Variants in COL4A2 observed in about 807,000 individuals in gnomAD.
COL4A2 encodes the protein collagen type IV alpha 2 chain, also known as collagen alpha-2(IV) chain.
COL4A2 carries 99 observed loss-of-function variants against 200.2 expected under a neutral mutation model. The ratio of observed to expected loss-of-function variants is 0.49; its 90% confidence interval spans 0.42 to 0.58. The LOEUF is 0.58. Among genes scored for constraint, COL4A2 ranks in the 20% least tolerant of loss-of-function variants. The pLI is 0.00. For missense variants in COL4A2, 1,950 were observed against 2,314.1 expected (o/e 0.84, Z 3.23); for synonymous variants, 897 against 900.6 (o/e 1.00, Z 0.07).
rs367899784 is a variant in COL4A2 at position 110,472,431 on chromosome 13, G to A, written c.2204-498G>A. On this transcript the variant is annotated intron_variant, in intron 28 of 47. Transcript: ENST00000360467. Reference sequence around the variant, plus strand: ...ATGGTCAATACAACAGAGGGGTGTCGTTCCTCTTTGAAGCGTTTCCCAACC... The same window carrying A: ...ATGGTCAATACAACAGAGGGGTGTCATTCCTCTTTGAAGCGTTTCCCAACC... Among the ~76,000 whole-genome samples, 13 of 152,226 alleles carry A rather than the reference G, an allele frequency of 8.5e-5. No homozygotes were observed. In the East Asian group the frequency reaches 1.5e-3, roughly 18 times the overall value.
chr13:110,438,619 G>T lies in COL4A2; in HGVS notation c.863G>T (p.Gly288Val). 6.2e-7 allele frequency: 1 copy of T among 1,614,220 alleles called. No individual in the cohort carries two copies. The highest frequency in any genetic ancestry group is 8.5e-7 in the Non-Finnish European group (1 of 1,180,032). ...KGSEGEPGIR[G>V]ISLKGEEGIM... Reference sequence around the variant, plus strand: ...TACGCCCCCTCTGCTCTCTCCTAGGGCATTTCCTTGAAGGGAGAAGAAGGA... The same window carrying T: ...TACGCCCCCTCTGCTCTCTCCTAGGTCATTTCCTTGAAGGGAGAAGAAGGA... The change falls in exon 15 of 48, where the codon GGC (glycine) becomes GTC (valine). Residue 288 changes from glycine to valine, a missense_variant and splice_region_variant. Gly to Val is a moderately radical substitution (Grantham distance 109). This residue lies in a region of COL4A2 where 565 missense variants were observed against 593.5 expected (regional missense o/e 0.95). Coordinates refer to ENST00000360467, the MANE Select transcript of COL4A2 (RefSeq NM_001846.4).
chr13:110,494,156 G>A (rs115331837), intron 39 of COL4A2, among the ~76,000 whole-genome samples: 1,806 of 152,194 alleles, frequency 0.012, 34 homozygotes, highest in African/African-American at 0.041. Flanking sequence ...CCCTGAATGG[G>A]GATATAAAGA....
In COL4A2 at chr13:110,307,792, G is replaced by C. The variant is rs1269654120; in HGVS notation, c.-44-68G>C. The C allele has an allele frequency of 2.8e-6, 4 of 1,410,550 alleles. No homozygotes were observed. Among genetic ancestry groups the C allele is most frequent in the Non-Finnish European group, 3.8e-6 (4 of 1,048,628 alleles). 87.4% of individuals were successfully genotyped at this position (1,410,550 alleles called of 1,614,324 possible). ...GCGCTGTCCCCGCGTCTCGCGGACC[G>C]AGACCGGCGGTGAGGATGGGCTGCC... On this transcript the variant is annotated intron_variant, in intron 1 of 47. Transcript: ENST00000360467. This position sits in a 1 kb window ranked among gnomAD's most constrained non-coding sequence, Gnocchi z 5.0.
At chr13:110,475,510 A>G (rs1483979929) in intron 29 of COL4A2, among the ~76,000 whole-genome samples, 1 of 152,204 alleles carries the variant, frequency 6.6e-6, no homozygotes, top group East Asian at 1.9e-4. Context: ...GAGCATGAAA[A>G]CAAATGGAAG....
intron 4 of COL4A2, among the ~76,000 whole-genome samples, chr13:110,417,052 C>T (rs1359095944): frequency 6.6e-6 from 1 of 151,204 alleles, no homozygotes. Context: ...ACGATCTTGG[C>T]TCACTGCAAG....
chr13:110,505,175 C>T (rs1371995573), intron 45 of COL4A2, among the ~76,000 whole-genome samples: 2 of 151,308 alleles, frequency 1.3e-5, no homozygotes, highest in African/African-American at 2.4e-5. Flanking sequence ...ACGGTGAAAC[C>T]CCGTCTCTAC....
chr13:110,509,270 T>TATATATACACACACACACAC (rs1435137108), intron 47 of COL4A2, among the ~76,000 whole-genome samples: 1 of 115,600 alleles, frequency 8.7e-6, no homozygotes, highest in Admixed American at 9.4e-5. Context: ...TATATATATA[T>TATATATACACACACACACAC]ACACACACAC....
intron 4 of COL4A2, among the ~76,000 whole-genome samples, chr13:110,376,882 C>A (rs1878259967): frequency 6.6e-6 from 1 of 152,116 alleles, no homozygotes; most frequent in African/African-American, 2.4e-5. Context: ...TTGGTGAGGC[C>A]AGGTTATTAA....
At chr13:110,332,837 C>T (rs968576859) in intron 3 of COL4A2, among the ~76,000 whole-genome samples, 21 of 152,226 alleles carry the variant, frequency 1.4e-4, no homozygotes, top group African/African-American at 5.1e-4. Flanking sequence ...CAAATGCACG[C>T]TTACTTTCAG....
chr13:110,393,044 G>T (rs1395375261), intron 4 of COL4A2, among the ~76,000 whole-genome samples: 1 of 152,222 alleles, frequency 6.6e-6, no homozygotes, highest in Non-Finnish European at 1.5e-5. Context: ...CAGCTGCGAA[G>T]TATTGTTGAT....
At chr13:110,470,784 T>TG (rs1882440566) in intron 28 of COL4A2, among the ~76,000 whole-genome samples, 1 of 152,192 alleles carries the variant, frequency 6.6e-6, no homozygotes, top group African/African-American at 2.4e-5. Context: ...AGATAGCTGA[T>TG]TTAAGCCTCA....
intron 34 of COL4A2, 24 bp downstream of exon 34, chr13:110,485,860 C>A (rs773883731): frequency 6.2e-7 from 1 of 1,611,368 alleles, no homozygotes. Flanking sequence ...TTTTACTCCC[C>A]TTGTTCTGTG....
intron 22 of COL4A2, 166 bp downstream of exon 22, chr13:110,459,100 T>C: frequency 3.2e-6 from 2 of 624,588 alleles, no homozygotes; most frequent in Non-Finnish European, 5.0e-6. Context: ...CAAGGCGGAC[T>C]TTCTACATGT....
At chr13:110,406,027 AT>A (rs1440002250) in intron 4 of COL4A2, among the ~76,000 whole-genome samples, 3 of 152,190 alleles carry the variant, frequency 2.0e-5, no homozygotes, top group Non-Finnish European at 4.4e-5. Flanking sequence ...TGCCGCCTGG[AT>A]TCTTTCCTGG....
chr13:110,472,440 T>C (rs74124603), intron 28 of COL4A2, among the ~76,000 whole-genome samples: 2,448 of 152,246 alleles, frequency 0.016, 62 homozygotes, highest in South Asian at 0.088. Flanking sequence ...CGTTCCTCTT[T>C]GAAGCGTTTC....
At chr13:110,334,185 G>A (rs1488129398) in intron 3 of COL4A2, among the ~76,000 whole-genome samples, 1 of 152,242 alleles carries the variant, frequency 6.6e-6, no homozygotes, top group African/African-American at 2.4e-5. Context: ...CTCTCTTTGG[G>A]GCTGAATAGC....
At chr13:110,496,093 C>T (rs891531988) in intron 40 of COL4A2, among the ~76,000 whole-genome samples, 1 of 152,182 alleles carries the variant, frequency 6.6e-6, no homozygotes, top group Non-Finnish European at 1.5e-5. Flanking sequence ...CCAGGGGCAT[C>T]TCCTGGCTCA....
chr13:110,314,685 C>T (rs112931381), intron 3 of COL4A2, among the ~76,000 whole-genome samples: 3 of 152,290 alleles, frequency 2.0e-5, no homozygotes, highest in African/African-American at 7.2e-5. Flanking sequence ...ATCACAGTGT[C>T]GCTGCAAGGA....
chr13:110,331,686 C>G (rs943650069), intron 3 of COL4A2, among the ~76,000 whole-genome samples: 1 of 152,158 alleles, frequency 6.6e-6, no homozygotes, highest in Admixed American at 6.6e-5. Flanking sequence ...AACACCGACT[C>G]AAAACCACCA....
Sources: allele counts gnomAD v4.1 joint callset (sites outside exome capture counted in the v4.1 genomes callset), GRCh38; gene constraint gnomAD v4.1.1; regional missense constraint gnomAD v4.1.1; non-coding constraint Gnocchi (gnomAD v3.1); transcripts MANE v1.5; gene names NCBI Gene and HGNC (gene_info 2026-07-23, HGNC 2026-07-21).